The following PCDHA9 variants were observed in gnomAD, a reference collection of about 807,000 sequenced individuals.
PCDHA9 encodes the protein protocadherin alpha 9.
Under a neutral mutation model 62.0 loss-of-function variants are expected in PCDHA9, and 62 were observed. That is an observed-to-expected ratio of 1.00 (90% confidence interval 0.81 to 1.23). PCDHA9 has a LOEUF of 1.23. Among genes scored for constraint, PCDHA9 ranks in the 50% most tolerant of loss-of-function variants. PCDHA9 has a pLI of 0.00. For missense variants in PCDHA9, 1,205 were observed against 1,249.8 expected (o/e 0.96, Z 0.54); for synonymous variants, 557 against 567.6 (o/e 0.98, Z 0.27).
intron 1 of PCDHA9, among the ~76,000 whole-genome samples, chr5:140,945,046 A>T (rs2093731107): frequency 6.6e-6 from 1 of 152,192 alleles, no homozygotes; most frequent in Non-Finnish European, 1.5e-5. Flanking sequence ...TTGGTCTTAT[A>T]TAAAGAAAAC....
chr5:140,982,218 G>T, intron 2 of PCDHA9: 1 of 523,694 alleles, frequency 1.9e-6, no homozygotes, highest in South Asian at 3.9e-5. Flanking sequence ...GCCACATGGC[G>T]TTAATAAAAA....
chr5:140,861,433 C>T (rs1177274871), intron 1 of PCDHA9: 1 of 489,666 alleles, frequency 2.0e-6, no homozygotes, highest in Non-Finnish European at 4.2e-6. Context: ...CAGTTGGATT[C>T]CAAAAGCCGC....
At position 140,982,472 on chromosome 5, in the gene PCDHA9, C is replaced by T; in HGVS notation, c.2454-3C>T. The stretch of plus-strand genomic sequence containing the variant: ...CGTTATCTGGGTCTGTGTGTTTATT[C>T]AGCTCTGTGCACCTAGAGGAGGCTG... On this transcript the variant is annotated splice_polypyrimidine_tract_variant and splice_region_variant and intron_variant, in intron 2 of 3. Transcript: ENST00000532602. The T allele has an allele frequency of 3.1e-6, 5 of 1,614,144 alleles. No individual in the cohort carries two copies. Among genetic ancestry groups the T allele is most frequent in the Non-Finnish European group, 4.2e-6 (5 of 1,180,022 alleles).
At position 140,848,627 on chromosome 5, in the gene PCDHA9, C is replaced by A. The variant is rs2150415435; in HGVS notation, c.132C>A (p.Phe44Leu). The part of the protein sequence containing the change: ...SVPEEAEHGT[F>L]VGRIAQDLGL... The stretch of plus-strand genomic sequence containing the variant: ...CGGAGGAAGCCGAACACGGCACCTT[C>A]GTGGGCCGCATCGCGCAGGACCTGG... Residue 44 changes from phenylalanine (F) to leucine (L), a missense_variant, in exon 1 of 4, where the codon TTC (phenylalanine) becomes TTA (leucine). By Grantham distance (22) the Phe-to-Leu change is conservative (BLOSUM62 0). Around this residue, in one of 3 missense-constraint regions of PCDHA9, gnomAD observed 208 missense variants for 213.2 expected, o/e 0.98. Coordinates refer to ENST00000532602, the MANE Select transcript of PCDHA9 (RefSeq NM_031857.2). The A allele has an allele frequency of 6.3e-7, 1 of 1,593,432 alleles. No individual in the cohort carries two copies. The highest frequency in any genetic ancestry group is 8.6e-7 in the Non-Finnish European group (1 of 1,163,942).
intron 1 of PCDHA9, among the ~76,000 whole-genome samples, chr5:140,915,642 C>CTCTG (rs1236956905): frequency 1.3e-5 from 2 of 152,012 alleles, no homozygotes; most frequent in African/African-American, 2.4e-5. Context: ...CTCTCTCTCT[C>CTCTG]TCTCTCTCTC....
In PCDHA9 at chr5:140,882,915, A is replaced by G. The variant is rs374032403; in HGVS notation, c.2394+32026A>G. The G allele has an allele frequency of 9.7e-5, 156 of 1,614,110 alleles. No individual in the cohort carries two copies. Among genetic ancestry groups the G allele is most frequent in the Non-Finnish European group, 1.2e-4 (140 of 1,180,046 alleles). ...CATAGTTTATTACTGACAGCCAGTG[A>G]TGGAGGTAAACCCGAGCTGACTGGC... is the stretch of plus-strand genomic sequence containing the variant. On this transcript the variant is annotated intron_variant, in intron 1 of 3. Transcript: ENST00000532602.
chr5:140,978,544 A>G (rs2096808919), intron 1 of PCDHA9, among the ~76,000 whole-genome samples: 1 of 152,234 alleles, frequency 6.6e-6, no homozygotes, highest in Non-Finnish European at 1.5e-5. Context: ...TTGTGTAGCC[A>G]TGTGCCCTGT....
chr5:140,999,574 A>G (rs2097863527), intron 3 of PCDHA9, among the ~76,000 whole-genome samples: 1 of 152,170 alleles, frequency 6.6e-6, no homozygotes, highest in South Asian at 2.1e-4. Context: ...AAGAGACTAT[A>G]AAGGGAAATT....
chr5:140,881,409 A>G (rs2153379419), intron 1 of PCDHA9: 1 of 950,550 alleles, frequency 1.1e-6, no homozygotes, highest in East Asian at 1.2e-4. Context: ...TTAAATCAAT[A>G]GGATATTAGT....
intron 2 of PCDHA9, among the ~76,000 whole-genome samples, chr5:140,980,573 T>G (rs1040024915): frequency 6.6e-6 from 1 of 152,066 alleles, no homozygotes; most frequent in Non-Finnish European, 1.5e-5. Context: ...GAAGTTGCAG[T>G]GAGCCAAGAT....
chr5:140,972,270 G>T (rs2096527606), intron 1 of PCDHA9, among the ~76,000 whole-genome samples: 2 of 151,190 alleles, frequency 1.3e-5, no homozygotes, highest in African/African-American at 4.9e-5. Context: ...CTCCTGAGTA[G>T]CTTGGACCAT....
At chr5:140,955,590 C>CTT (rs1554221986) in intron 1 of PCDHA9, among the ~76,000 whole-genome samples, 2 of 152,132 alleles carry the variant, frequency 1.3e-5, no homozygotes, top group East Asian at 3.9e-4. Context: ...AAACCTCTTT[C>CTT]TTTTATAAAT....
At chr5:140,852,881 A>G in intron 1 of PCDHA9, 1 of 940,356 alleles carries the variant, frequency 1.1e-6, no homozygotes, top group Non-Finnish European at 1.3e-6. Flanking sequence ...TAATCATAAA[A>G]CGTATTTTTT....
intron 1 of PCDHA9, among the ~76,000 whole-genome samples, chr5:140,950,299 C>T (rs246045): frequency 0.56 from 85,681 of 151,798 alleles, 24,780 homozygotes; most frequent in African/African-American, 0.69. Context: ...AAAAACTTTA[C>T]TTAGCAGTTT....
intron 3 of PCDHA9, among the ~76,000 whole-genome samples, chr5:140,995,158 A>G (rs1554254485): frequency 6.6e-6 from 1 of 152,180 alleles, no homozygotes; most frequent in African/African-American, 2.4e-5. Flanking sequence ...TATATACATT[A>G]TGTTCTTTCA....
At chr5:140,883,760 C>T (rs199864330) in intron 1 of PCDHA9, 18 of 1,612,790 alleles carry the variant, frequency 1.1e-5, no homozygotes, top group Non-Finnish European at 1.4e-5. Context: ...GGTGGAGCGG[C>T]GGGTGGGCGA....
intron 1 of PCDHA9, chr5:140,966,752 C>T (rs1013247328): frequency 3.5e-6 from 5 of 1,432,026 alleles, no homozygotes; most frequent in Non-Finnish European, 4.6e-6. Flanking sequence ...GCTGCCTCCG[C>T]CGCGGCCAGT....
In PCDHA9 at chr5:140,849,449, C is replaced by T. The variant is rs200997092; in HGVS notation, c.954C>T (p.Ile318=). 81 of 1,586,124 alleles carry T rather than the reference C, an allele frequency of 5.1e-5. 9 individuals carry two copies. The highest frequency in any genetic ancestry group is 3.8e-4 in the Middle Eastern group (2 of 5,312). The change falls in exon 1 of 4, where the codon ATC becomes ATT. Residue 318 remains isoleucine, a synonymous_variant. Coordinates refer to ENST00000532602, the MANE Select transcript of PCDHA9 (RefSeq NM_031857.2). ...TTGAAGAAAGTAGAGCACACAAGAT[C>T]CCAGTCGAGGCTGTCGATAAAGGCT... ...MDFEESRAHK[I]PVEAVDKGFP...
chr5:140,885,516 T>A (rs1235698672), intron 1 of PCDHA9, among the ~76,000 whole-genome samples: 2 of 152,198 alleles, frequency 1.3e-5, no homozygotes, highest in Non-Finnish European at 2.9e-5. Flanking sequence ...TGCTGTGCTA[T>A]CATTTCATAT....
Sources: gnomAD v4.1 joint callset for allele counts (sites outside exome capture counted in the v4.1 genomes callset) on GRCh38, gnomAD v4.1.1 for gene constraint, gnomAD v4.1.1 regional missense constraint, MANE v1.5 for transcripts, NCBI Gene and HGNC (gene_info 2026-07-23, HGNC 2026-07-21) for gene names.